PDZD2: variants seen among roughly 807,000 people sequenced by gnomAD.
PDZD2 encodes PDZ domain-containing protein 2.
Under a neutral mutation model 220.7 loss-of-function variants are expected in PDZD2, and 90 were observed. The observed-to-expected ratio is 0.41, with a 90% CI of 0.34 to 0.49. The LOEUF (loss-of-function observed/expected upper bound fraction) is 0.49, where lower values mean the gene tolerates loss of function less well. PDZD2 is among the 20% of genes least tolerant of loss of function. The probability of loss-of-function intolerance (pLI) is 0.28; values close to 1 mark genes in which losing one functional copy is unlikely to be tolerated. For missense variants in PDZD2, 3,174 were observed against 3,608.5 expected, an observed-to-expected ratio of 0.88 and a Z score of 3.08; for synonymous variants, 1,375 against 1,450.5, an observed-to-expected ratio of 0.95 and a Z score of 1.18.
chr5:31,959,383 G>C (rs1172664051), intron 2 of PDZD2, among the ~76,000 whole-genome samples: 2 of 140,770 alleles, frequency 1.4e-5, no homozygotes, highest in African/African-American at 6.5e-5. Flanking sequence ...TTTTGAGACA[G>C]AGTCTCACTC....
In PDZD2 at chr5:32,108,751, G is replaced by C. The variant is rs906360622; in HGVS notation, c.*616G>C. The C allele has an allele frequency of 6.6e-6, 1 of 152,650 alleles. No homozygotes were observed. Among genetic ancestry groups the C allele is most frequent in the African/African-American group, 2.4e-5 (1 of 41,448 alleles). The allele number at this position is 152,650 out of a possible 1,614,324, so 9.5% of individuals were successfully genotyped here. A position where few individuals can be genotyped will look rare whatever the true frequency, so the allele number is the denominator to read the frequency against. On this transcript the variant is annotated 3_prime_UTR_variant, in exon 25 of 25. Transcript: ENST00000438447. ...AGGAAAAAGCAAAATAATTAATTGA[G>C]AGTATTTTTTAGTGAGTGTAATGTA...
chr5:31,937,090 T>C (rs1287889808), intron 2 of PDZD2, among the ~76,000 whole-genome samples: 1 of 152,192 alleles, frequency 6.6e-6, no homozygotes, highest in Admixed American at 6.5e-5. Context: ...TTGATTCCCA[T>C]GATTGTAGCC....
At chr5:31,861,092 A>G (rs1325268639) in intron 2 of PDZD2, among the ~76,000 whole-genome samples, 1 of 152,174 alleles carries the variant, frequency 6.6e-6, no homozygotes, top group East Asian at 1.9e-4. Flanking sequence ...CTACCAAGAA[A>G]AAGACGCAAA....
At chr5:31,654,842 T>G (rs962442443) in intron 1 of PDZD2, among the ~76,000 whole-genome samples, 5 of 152,148 alleles carry the variant, frequency 3.3e-5, no homozygotes, top group African/African-American at 9.7e-5. Flanking sequence ...CTGTCAGTTC[T>G]CTGCCCAAAC....
At chr5:31,782,947 C>G (rs1753140494) in intron 1 of PDZD2, among the ~76,000 whole-genome samples, 1 of 152,032 alleles carries the variant, frequency 6.6e-6, no homozygotes. Context: ...CTCCTGATCT[C>G]AAGTGATCAG....
At chr5:32,044,041 C>A (rs1292174580) in intron 7 of PDZD2, among the ~76,000 whole-genome samples, 1 of 152,016 alleles carries the variant, frequency 6.6e-6, no homozygotes, top group Non-Finnish European at 1.5e-5. Flanking sequence ...ACAGGAAGGC[C>A]TTCTAGGCTG....
Position 32,088,176 on chromosome 5 carries a change from C to G in PDZD2, c.4728C>G (p.Gly1576=). ...TEAPRASARD[G]WSPPRSRVSL... Reference sequence around the variant, plus strand: ...CCCCACGAGCTTCTGCCAGGGACGGCTGGTCCCCTCCTCGTTCCCGTGTGT... The same window carrying G: ...CCCCACGAGCTTCTGCCAGGGACGGGTGGTCCCCTCCTCGTTCCCGTGTGT... The change falls in exon 20 of 25, where the codon GGC becomes GGG. Residue 1576 remains glycine (G), a synonymous_variant. Coordinates refer to ENST00000438447, the MANE Select transcript of PDZD2 (RefSeq NM_178140.4). This position sits in a 1 kb window ranked among gnomAD's most constrained non-coding sequence, Gnocchi z 4.6. The G allele has an allele frequency of 6.2e-7, 1 of 1,614,098 alleles. No homozygotes were observed. The highest frequency in any genetic ancestry group is 8.5e-7 in the Non-Finnish European group (1 of 1,179,948).
At position 31,847,573 on chromosome 5, in the gene PDZD2, C is replaced by T. The variant is rs568851520; in HGVS notation, c.476+47849C>T. On this transcript the variant is annotated intron_variant, in intron 2 of 24. Transcript: ENST00000438447. ...TGCTGCAGCATATTGTACTGGCCTG[C>T]TGCTGGCTCGGAGGCTTTTCAGTAG... 2.9e-5 allele frequency: 20 copies of T among 699,642 alleles called. No individual in the cohort carries two copies. The East Asian group carries it at 6.1e-4, about 21-fold the overall frequency. 43.3% of individuals were successfully genotyped at this position (699,642 alleles called of 1,614,324 possible).
chr5:31,759,540 ATT>A (rs71614266), intron 1 of PDZD2, among the ~76,000 whole-genome samples: 53,139 of 130,898 alleles, frequency 0.41, 10,341 homozygotes, highest in Admixed American at 0.51. Flanking sequence ...TCTCAGAACT[ATT>A]TTTTTTTTTT....
At chr5:31,806,134 C>T (rs543104323) in intron 2 of PDZD2, among the ~76,000 whole-genome samples, 8 of 152,250 alleles carry the variant, frequency 5.3e-5, no homozygotes, top group South Asian at 2.1e-4. Flanking sequence ...GTCCATTTTT[C>T]GGATGATTTC....
chr5:31,978,770 C>T (rs1334179981), intron 2 of PDZD2, among the ~76,000 whole-genome samples: 1 of 151,762 alleles, frequency 6.6e-6, no homozygotes, highest in African/African-American at 2.4e-5. Context: ...CTCTCACCAG[C>T]TTGCTGCAGC....
chr5:32,094,334 A>G (rs1743445622), intron 21 of PDZD2, among the ~76,000 whole-genome samples: 1 of 152,250 alleles, frequency 6.6e-6, no homozygotes, highest in African/African-American at 2.4e-5. Context: ...TTGGGGCTAT[A>G]CGTAGAGATT....
intron 19 of PDZD2, among the ~76,000 whole-genome samples, chr5:32,085,549 G>A (rs1164034455): frequency 2.7e-5 from 4 of 149,932 alleles, no homozygotes; most frequent in Non-Finnish European, 5.9e-5. Flanking sequence ...AGGTTCAAGC[G>A]ATTCTCCTGC....
chr5:31,846,830 C>A (rs974254582), intron 2 of PDZD2, among the ~76,000 whole-genome samples: 8 of 152,324 alleles, frequency 5.3e-5, no homozygotes, highest in Middle Eastern at 3.4e-3. Flanking sequence ...CTTTCTTCAG[C>A]TTTTTACAGC....
chr5:31,710,185 G>A (rs1002019074), intron 1 of PDZD2, among the ~76,000 whole-genome samples: 2 of 152,168 alleles, frequency 1.3e-5, no homozygotes, highest in Non-Finnish European at 2.9e-5. Flanking sequence ...TTTGAAAAAT[G>A]CATGTAAAGA....
At chr5:32,039,287 G>T (rs1263583183) in intron 7 of PDZD2, among the ~76,000 whole-genome samples, 1 of 151,736 alleles carries the variant, frequency 6.6e-6, no homozygotes, top group Non-Finnish European at 1.5e-5. Flanking sequence ...TTGTATTTTT[G>T]GTGGAGACGG....
intron 2 of PDZD2, chr5:31,832,355 CA>C (rs1177385103): frequency 6.6e-6 from 1 of 152,078 alleles, no homozygotes; most frequent in African/African-American, 2.4e-5. Flanking sequence ...GATGGTTGCA[CA>C]ACAACATGAA....
chr5:31,701,838 A>G (rs948224564), intron 1 of PDZD2, among the ~76,000 whole-genome samples: 2 of 152,246 alleles, frequency 1.3e-5, no homozygotes, highest in African/African-American at 4.8e-5. Flanking sequence ...TAAGTTAATT[A>G]GCAAGCTGGG....
At chr5:31,838,312 C>T (rs1757068902) in intron 2 of PDZD2, among the ~76,000 whole-genome samples, 1 of 152,174 alleles carries the variant, frequency 6.6e-6, no homozygotes, top group Non-Finnish European at 1.5e-5. Flanking sequence ...CCTGCCTCAG[C>T]CTCCCAAAGT....
Sources: gnomAD v4.1 joint callset for allele counts (sites outside exome capture counted in the v4.1 genomes callset) on GRCh38, gnomAD v4.1.1 for gene constraint, Gnocchi (gnomAD v3.1) non-coding constraint, MANE v1.5 for transcripts, NCBI Gene and HGNC (gene_info 2026-07-23, HGNC 2026-07-21) for gene names.